CCDC149: variants seen among roughly 807,000 people sequenced by gnomAD.
CCDC149 encodes coiled-coil domain-containing protein 149.
In CCDC149, 45 loss-of-function variants were observed where a neutral mutation model predicts 59.9. The observed-to-expected ratio is 0.75, with a 90% CI of 0.59 to 0.96. The LOEUF (loss-of-function observed/expected upper bound fraction) is 0.96. CCDC149 is among the 40% of genes least tolerant of loss of function. The probability of loss-of-function intolerance (pLI) is 0.00; values close to 1 mark genes in which losing one functional copy is unlikely to be tolerated. For missense variants in CCDC149, 584 were observed against 664.7 expected (o/e 0.88, Z 1.33); for synonymous variants, 245 against 260.6 (o/e 0.94, Z 0.58).
upstream of CCDC149, among the ~76,000 whole-genome samples, chr4:24,915,399 C>T (rs1722096077): frequency 1.3e-5 from 2 of 152,248 alleles, no homozygotes; most frequent in Admixed American, 6.5e-5. Context: ...CCAGTTTCCA[C>T]AGTTAGCTGA....
At chr4:24,974,711 C>G (rs1045240801) in intron 1 of CCDC149, among the ~76,000 whole-genome samples, 1 of 152,244 alleles carries the variant, frequency 6.6e-6, no homozygotes. Flanking sequence ...ATCACATCTT[C>G]CCACTCAACT....
At chr4:24,927,575 G>T (rs1476373396) in intron 1 of CCDC149, among the ~76,000 whole-genome samples, 1 of 152,216 alleles carries the variant, frequency 6.6e-6, no homozygotes, top group African/African-American at 2.4e-5. Flanking sequence ...TAAAGCAGGT[G>T]CTGAAACCTT....
intron 3 of CCDC149, among the ~76,000 whole-genome samples, chr4:24,870,168 T>C (rs946420065): frequency 3.9e-5 from 6 of 152,214 alleles, no homozygotes; most frequent in African/African-American, 7.2e-5. Flanking sequence ...AATAATTTAA[T>C]ATAAGCCTAT....
chr4:24,954,044 C>A (rs1380727429), intron 1 of CCDC149, among the ~76,000 whole-genome samples: 2 of 151,784 alleles, frequency 1.3e-5, no homozygotes, highest in Non-Finnish European at 2.9e-5. Context: ...CCTAAAGAAC[C>A]TATAGGACAC....
At chr4:24,883,330 T>C (rs1306854737) in intron 1 of CCDC149, among the ~76,000 whole-genome samples, 1 of 152,110 alleles carries the variant, frequency 6.6e-6, no homozygotes, top group Non-Finnish European at 1.5e-5. Flanking sequence ...CACACACATA[T>C]GCCTATTTGC....
intron 1 of CCDC149, among the ~76,000 whole-genome samples, chr4:24,935,995 G>A (rs1212691281): frequency 6.6e-6 from 1 of 152,128 alleles, no homozygotes; most frequent in African/African-American, 2.4e-5. Context: ...TGATGTCCAG[G>A]AGGCCATGGA....
chr4:24,919,003 A>G (rs1042167322), intron 1 of CCDC149, among the ~76,000 whole-genome samples: 1 of 152,216 alleles, frequency 6.6e-6, no homozygotes, highest in Non-Finnish European at 1.5e-5. Flanking sequence ...GGTGTTTGCC[A>G]ACATATCATG....
At chr4:24,812,828 T>C (rs1714716111) in intron 12 of CCDC149, among the ~76,000 whole-genome samples, 1 of 152,068 alleles carries the variant, frequency 6.6e-6, no homozygotes, top group African/African-American at 2.4e-5. Flanking sequence ...TATGAAACCA[T>C]CAGATTTTGT....
At chr4:24,858,943 C>T (rs1012465147) in intron 3 of CCDC149, among the ~76,000 whole-genome samples, 1 of 152,206 alleles carries the variant, frequency 6.6e-6, no homozygotes. Context: ...TGAACTCTAG[C>T]TCTTGCCTCT....
chr4:24,952,394 C>T (rs1023641663), intron 1 of CCDC149, among the ~76,000 whole-genome samples: 29 of 151,386 alleles, frequency 1.9e-4, no homozygotes, highest in Admixed American at 1.2e-3. Flanking sequence ...GAGTTCAAGA[C>T]CAGTCTGGCC....
intron 1 of CCDC149, among the ~76,000 whole-genome samples, chr4:24,938,959 C>T (rs1388950716): frequency 1.3e-5 from 2 of 152,238 alleles, no homozygotes; most frequent in Non-Finnish European, 2.9e-5. Flanking sequence ...GTAGGCTCCA[C>T]CTCTGGGGGC....
chr4:24,924,840 G>T (rs1332843104), intron 1 of CCDC149, among the ~76,000 whole-genome samples: 2 of 152,120 alleles, frequency 1.3e-5, no homozygotes, highest in Non-Finnish European at 2.9e-5. Context: ...GAGTATCAAG[G>T]TTTCATTTTA....
rs531907170 is a variant in CCDC149 at position 24,891,389 on chromosome 4, G to T, written c.64-14692C>A. Among the ~76,000 whole-genome samples the T allele has an allele frequency of 2.0e-4, 30 of 152,292 alleles. No individual in the cohort carries two copies. The South Asian group carries it at 5.8e-3, about 29-fold the overall frequency. ...GATTATGCTAGCAAAAGGCTCCCAT[G>T]GGTGACCCAAATTAATTATGGCTTT... On this transcript the variant is annotated intron_variant, in intron 1 of 12. Coordinates refer to ENST00000635206, the MANE Select transcript of CCDC149 (RefSeq NM_001330643.2).
At chr4:24,933,672 A>C (rs1054219855) in intron 1 of CCDC149, among the ~76,000 whole-genome samples, 1 of 152,212 alleles carries the variant, frequency 6.6e-6, no homozygotes, top group Admixed American at 6.5e-5. Flanking sequence ...ACAGATAATA[A>C]GCTGTAGACA....
chr4:24,890,759 T>G (rs1472378601), intron 1 of CCDC149, among the ~76,000 whole-genome samples: 6 of 152,210 alleles, frequency 3.9e-5, no homozygotes, highest in African/African-American at 1.4e-4. Context: ...CAGGTGCACA[T>G]ACTCTAAAGC....
At chr4:24,917,502 G>T (rs1016405419), upstream of CCDC149, among the ~76,000 whole-genome samples, 1 of 152,178 alleles carries the variant, frequency 6.6e-6, no homozygotes, top group African/African-American at 2.4e-5. Context: ...CCACTCCTTG[G>T]CTGTTGGAGG....
chr4:24,962,299 C>A (rs374566545), intron 1 of CCDC149, among the ~76,000 whole-genome samples: 2 of 151,856 alleles, frequency 1.3e-5, no homozygotes, highest in African/African-American at 2.4e-5. Context: ...ATCATTAAAA[C>A]GTCAGGAAAC....
At chr4:24,830,833 C>T (rs1470051756) in intron 9 of CCDC149, 1 of 152,242 alleles carries the variant, frequency 6.6e-6, no homozygotes, top group African/African-American at 2.4e-5. Flanking sequence ...CTTCTGAGCA[C>T]AGGTTGCATG....
At chr4:24,861,598 T>C (rs1718388974) in intron 3 of CCDC149, among the ~76,000 whole-genome samples, 1 of 150,360 alleles carries the variant, frequency 6.7e-6, no homozygotes, top group South Asian at 2.1e-4. Flanking sequence ...CTTACTCATG[T>C]AACCAAACAC....
Sources: gnomAD v4.1 joint callset for allele counts (sites outside exome capture counted in the v4.1 genomes callset) on GRCh38, gnomAD v4.1.1 for gene constraint, MANE v1.5 for transcripts, NCBI Gene and HGNC (gene_info 2026-07-23, HGNC 2026-07-21) for gene names.